PLCB1: variants seen among roughly 807,000 people sequenced by gnomAD.
PLCB1 encodes the protein phospholipase C beta 1.
A neutral mutation model predicts 161.8 loss-of-function variants in PLCB1; 46 were observed. The ratio of observed to expected loss-of-function variants is 0.28; its 90% confidence interval spans 0.22 to 0.36. The LOEUF is 0.36. PLCB1 is among the 10% of genes least tolerant of loss of function. The pLI is 1.00. For synonymous variants in PLCB1, 517 were observed against 503.7 expected (o/e 1.03, Z -0.35); for missense variants, 1,016 against 1,472.5 (o/e 0.69, Z 5.07).
At chr20:8,288,757 C>T (rs1031559869) in intron 2 of PLCB1, among the ~76,000 whole-genome samples, 2 of 152,086 alleles carry the variant, frequency 1.3e-5, no homozygotes, top group Non-Finnish European at 1.5e-5. Context: ...GAGTGGGGCA[C>T]GGAAGTACTA....
chr20:8,564,728 TG>T (rs1367993729), intron 3 of PLCB1, among the ~76,000 whole-genome samples: 24 of 151,880 alleles, frequency 1.6e-4, no homozygotes, highest in Admixed American at 4.6e-4. Context: ...AACATACATA[TG>T]AAAAAAAAGC....
chr20:8,787,446 TAGA>T (rs1350004275), intron 27 of PLCB1, among the ~76,000 whole-genome samples: 1 of 152,222 alleles, frequency 6.6e-6, no homozygotes, highest in Non-Finnish European at 1.5e-5. Flanking sequence ...CTGCCACTTA[TAGA>T]AGACTAGTCA....
chr20:8,735,000 C>T (rs1170632539), intron 19 of PLCB1, among the ~76,000 whole-genome samples: 1 of 152,124 alleles, frequency 6.6e-6, no homozygotes, highest in East Asian at 1.9e-4. Context: ...ATAATTATAT[C>T]TTTTGAAATT....
chr20:8,560,300 A>G (rs1187941470), intron 3 of PLCB1, among the ~76,000 whole-genome samples: 1 of 152,036 alleles, frequency 6.6e-6, no homozygotes, highest in Non-Finnish European at 1.5e-5. Context: ...GTGAGCTTTA[A>G]GAATACCAAG....
At chr20:8,177,139 C>T (rs911348791) in intron 2 of PLCB1, among the ~76,000 whole-genome samples, 2 of 152,042 alleles carry the variant, frequency 1.3e-5, no homozygotes, top group Non-Finnish European at 2.9e-5. Context: ...ATGTTGAAAC[C>T]TAACCCCCAC....
chr20:8,624,880 T>G (rs1215117614), intron 3 of PLCB1, among the ~76,000 whole-genome samples: 1 of 152,208 alleles, frequency 6.6e-6, no homozygotes, highest in African/African-American at 2.4e-5. Context: ...GCCAGGATTC[T>G]GAGTTGGTCT....
chr20:8,145,684 T>A (rs1484759745), intron 1 of PLCB1, among the ~76,000 whole-genome samples: 3 of 152,164 alleles, frequency 2.0e-5, no homozygotes, highest in African/African-American at 4.8e-5. Flanking sequence ...TTAAAGAGTG[T>A]CCCTGTGAAG....
Position 8,146,206 on chromosome 20 carries a change from A to G in PLCB1, c.100-4088A>G, listed in dbSNP as rs116960480. ...AAGTGTCATGGGGGATGATTAGAAA[A>G]ATAAAAACCTAAAAAGCCTCCCTTG... On this transcript the variant is annotated intron_variant, in intron 1 of 31. Transcript: ENST00000338037. Among the ~76,000 whole-genome samples, 808 of 152,228 alleles carry G rather than the reference A, an allele frequency of 5.3e-3. 10 individuals carry two copies. The highest frequency in any genetic ancestry group is 7.3e-3 in the Non-Finnish European group (495 of 68,016).
intron 2 of PLCB1, among the ~76,000 whole-genome samples, chr20:8,320,935 GAGA>G (rs1236863712): frequency 1.4e-5 from 2 of 147,456 alleles, no homozygotes; most frequent in South Asian, 2.1e-4. Flanking sequence ...GGAAGAAGAA[GAGA>G]AGAAAAGGAA....
chr20:8,793,425 C>A (rs560913323), intron 31 of PLCB1, among the ~76,000 whole-genome samples: 23 of 152,070 alleles, frequency 1.5e-4, no homozygotes, highest in Non-Finnish European at 3.2e-4. Flanking sequence ...CACGTAGGTT[C>A]TTTTCTATTT....
chr20:8,284,649 C>T (rs1240183405), intron 2 of PLCB1, among the ~76,000 whole-genome samples: 2 of 152,138 alleles, frequency 1.3e-5, no homozygotes, highest in African/African-American at 4.8e-5. Flanking sequence ...TTTCTCTCCT[C>T]TTGAAATTGC....
chr20:8,619,900 A>G (rs1414898676), intron 3 of PLCB1, among the ~76,000 whole-genome samples: 1 of 152,258 alleles, frequency 6.6e-6, no homozygotes, highest in South Asian at 2.1e-4. Context: ...ATGGATATAC[A>G]TACATATACT....
chr20:8,733,412 A>T lies in PLCB1; in HGVS notation c.2043+20A>T. On this transcript the variant is annotated intron_variant, in intron 19 of 31. Coordinates refer to ENST00000338037, the MANE Select transcript of PLCB1 (RefSeq NM_015192.4). Reference sequence around the variant, plus strand: ...GTTAAGGTAGGTATACCCCATCACAAAATTGTTCCTAACAATAGTGTTGAA... The same window carrying T: ...GTTAAGGTAGGTATACCCCATCACATAATTGTTCCTAACAATAGTGTTGAA... The T allele has an allele frequency of 6.2e-7, 1 of 1,608,702 alleles. No individual in the cohort carries two copies. The highest frequency in any genetic ancestry group is 8.5e-7 in the Non-Finnish European group (1 of 1,175,314).
chr20:8,476,144 A>C (rs1317787213), intron 3 of PLCB1, among the ~76,000 whole-genome samples: 2 of 152,198 alleles, frequency 1.3e-5, no homozygotes, highest in African/African-American at 2.4e-5. Context: ...CTTTTGCAAG[A>C]ATGTTTCCTG....
At chr20:8,733,651 A>G in intron 19 of PLCB1, among the ~76,000 whole-genome samples, 3 of 144,456 alleles carry the variant, frequency 2.1e-5, no homozygotes, top group African/African-American at 2.7e-5. Flanking sequence ...GGGTGGGGGG[A>G]GCGGGGAGGG....
At chr20:8,646,952 C>T (rs1322841103) in intron 5 of PLCB1, among the ~76,000 whole-genome samples, 2 of 152,176 alleles carry the variant, frequency 1.3e-5, no homozygotes, top group African/African-American at 4.8e-5. Context: ...GTTCTGTCTT[C>T]CCTCTTCTTA....
chr20:8,237,522 A>G (rs1451100483), intron 2 of PLCB1, among the ~76,000 whole-genome samples: 1 of 152,120 alleles, frequency 6.6e-6, no homozygotes, highest in Non-Finnish European at 1.5e-5. Flanking sequence ...GTTTTTCTAC[A>G]GCAAGCATAT....
intron 2 of PLCB1, among the ~76,000 whole-genome samples, chr20:8,281,441 A>T (rs1568616421): frequency 6.6e-6 from 1 of 151,572 alleles, no homozygotes; most frequent in African/African-American, 2.4e-5. Flanking sequence ...CAAAGATCAG[A>T]TTTTTTTTTA....
intron 18 of PLCB1, among the ~76,000 whole-genome samples, chr20:8,732,845 AATT>A (rs1568576903): frequency 6.9e-6 from 1 of 144,278 alleles, no homozygotes; most frequent in African/African-American, 2.5e-5. Context: ...ATTTATATAT[AATT>A]ATATATTATA....
Sources: allele counts gnomAD v4.1 joint callset (sites outside exome capture counted in the v4.1 genomes callset), GRCh38; gene constraint gnomAD v4.1.1; transcripts MANE v1.5; gene names NCBI Gene and HGNC (gene_info 2026-07-23, HGNC 2026-07-21).